The following ACSL3 variants were observed in gnomAD, a reference collection of about 807,000 sequenced individuals.
The protein encoded by ACSL3 is acyl-CoA synthetase long chain family member 3.
A neutral mutation model predicts 84.7 loss-of-function variants in ACSL3; 34 were observed. The observed-to-expected ratio is 0.40, with a 90% confidence interval of 0.31 to 0.53. The LOEUF (loss-of-function observed/expected upper bound fraction) is 0.53, where lower values mean the gene tolerates loss of function less well. Among genes scored for constraint, ACSL3 ranks in the 20% least tolerant of loss-of-function variants. ACSL3 has a pLI of 0.48. For missense variants in ACSL3, 680 were observed against 873.1 expected (o/e 0.78, Z 2.79); for synonymous variants, 315 against 299.4 (o/e 1.05, Z -0.54).
chr2:222,898,461 T>G (rs1209871240), intron 2 of ACSL3, among the ~76,000 whole-genome samples: 1 of 152,182 alleles, frequency 6.6e-6, no homozygotes, highest in Non-Finnish European at 1.5e-5. Context: ...TTTTCAATTT[T>G]TAGGTATTGG....
intron 1 of ACSL3, among the ~76,000 whole-genome samples, chr2:222,869,308 A>G (rs1695237020): frequency 6.6e-6 from 1 of 152,140 alleles, no homozygotes; most frequent in Non-Finnish European, 1.5e-5. Flanking sequence ...CTTACCTCAC[A>G]AGGTTATCAT....
rs1435763740 is a variant in ACSL3 at position 222,900,697 on chromosome 2, G to A, written c.-124G>A. ...AGATACAGAATTCGTTGTTGGGAAG[G>A]ACTGGGGAAACAGCTGTAACATTTG... On this transcript the variant is annotated 5_prime_UTR_variant, in exon 3 of 17. Coordinates refer to ENST00000357430, the MANE Select transcript of ACSL3 (RefSeq NM_004457.5). 1 of 152,108 alleles carries A rather than the reference G, an allele frequency of 6.6e-6. No individual in the cohort carries two copies. Among genetic ancestry groups the A allele is most frequent in the East Asian group, 1.9e-4 (1 of 5,182 alleles). The allele number at this position is 152,108 out of a possible 1,614,324, so 9.4% of individuals were successfully genotyped here.
intron 2 of ACSL3, among the ~76,000 whole-genome samples, chr2:222,890,748 T>C (rs909126232): frequency 5.3e-5 from 8 of 152,080 alleles, no homozygotes; most frequent in Admixed American, 6.6e-5. Flanking sequence ...CTCTGGTGAT[T>C]CTTGTGCCTC....
chr2:222,914,423 T>C (rs1696524355), intron 4 of ACSL3, among the ~76,000 whole-genome samples: 1 of 152,086 alleles, frequency 6.6e-6, no homozygotes, highest in South Asian at 2.1e-4. Context: ...ACTGCACGTC[T>C]GGCTAATTTT....
Position 222,933,877 on chromosome 2 carries a change from A to G in ACSL3, c.1847+597A>G, listed in dbSNP as rs1208547556. ...GAAACAGATGTTGGGGGTACAGCCCAAGTTAGAAATGAATTGCATTTATTT... is the reference window on the plus strand; with the variant it reads ...GAAACAGATGTTGGGGGTACAGCCCGAGTTAGAAATGAATTGCATTTATTT... On this transcript the variant is annotated intron_variant, in intron 15 of 16. Coordinates refer to ENST00000357430, the MANE Select transcript of ACSL3 (RefSeq NM_004457.5). Among the ~76,000 whole-genome samples the G allele has an allele frequency of 2.6e-5, 4 of 152,258 alleles. No homozygotes were observed. In the East Asian group the frequency reaches 7.7e-4, roughly 29 times the overall value.
chr2:222,925,695 A>G (rs906839949), intron 11 of ACSL3, among the ~76,000 whole-genome samples: 2 of 152,208 alleles, frequency 1.3e-5, no homozygotes, highest in South Asian at 4.1e-4. Flanking sequence ...AGATTTTGCT[A>G]TTTGTGAGTT....
intron 3 of ACSL3, among the ~76,000 whole-genome samples, chr2:222,907,714 A>G (rs931425689): frequency 3.3e-5 from 5 of 151,108 alleles, no homozygotes; most frequent in African/African-American, 1.2e-4. Flanking sequence ...GCAGTGAGCT[A>G]TAATCTTGTA....
chr2:222,918,220 T>C, intron 6 of ACSL3, 65 bp downstream of exon 6: 1 of 969,710 alleles, frequency 1.0e-6, no homozygotes. Flanking sequence ...TGAGCCCTAT[T>C]ATTGATACTT....
At chr2:222,901,805 C>T (rs1295555057) in intron 3 of ACSL3, among the ~76,000 whole-genome samples, 1 of 151,848 alleles carries the variant, frequency 6.6e-6, no homozygotes, top group Non-Finnish European at 1.5e-5. Flanking sequence ...ATTAGCTGGG[C>T]GTGATTGAGC....
intron 1 of ACSL3, among the ~76,000 whole-genome samples, chr2:222,875,896 A>G (rs1046554494): frequency 6.6e-5 from 10 of 152,200 alleles, no homozygotes; most frequent in African/African-American, 2.4e-4. Context: ...AAATCAGCCA[A>G]CATTTATTGA....
intron 3 of ACSL3, among the ~76,000 whole-genome samples, chr2:222,902,506 AC>A (rs1662502944): frequency 6.6e-6 from 1 of 152,206 alleles, no homozygotes; most frequent in Admixed American, 6.5e-5. Context: ...TCTAGTACAT[AC>A]CTTAGATCTT....
intron 6 of ACSL3, 119 bp downstream of exon 6, chr2:222,918,274 A>T (rs1055484693): frequency 9.6e-6 from 5 of 522,520 alleles, no homozygotes; most frequent in Non-Finnish European, 1.7e-5. Context: ...GTGGACTTTT[A>T]TGAATATCAT....
In ACSL3 at chr2:222,943,536, A is replaced by C. The variant is rs1697382245; in HGVS notation, c.*1882A>C. The C allele has an allele frequency of 1.3e-5, 2 of 159,840 alleles. No individual in the cohort carries two copies. The highest frequency in any genetic ancestry group is 4.1e-4 in the South Asian group (2 of 4,888). 9.9% of individuals were successfully genotyped at this position (159,840 alleles called of 1,614,324 possible). On this transcript the variant is annotated 3_prime_UTR_variant, in exon 17 of 17. Transcript: ENST00000357430. Reference sequence around the variant, plus strand: ...GATAATTGTGACTTGAAATAGTGTCAGATGAATTATGTAGCTGATCACTGA... The same window carrying C: ...GATAATTGTGACTTGAAATAGTGTCCGATGAATTATGTAGCTGATCACTGA...
chr2:222,941,797 A>G lies in ACSL3; in HGVS notation c.*143A>G. ...CATGACGTCACCATTTTTAACTGAC[A>G]GGATTAGTAAAACATTAAGACAGCA... On this transcript the variant is annotated 3_prime_UTR_variant, in exon 17 of 17. Transcript: ENST00000357430. The G allele has an allele frequency of 3.4e-6, 3 of 883,744 alleles. No homozygotes were observed. Among genetic ancestry groups the G allele is most frequent in the East Asian group, 5.8e-5 (2 of 34,778 alleles). 54.7% of individuals were successfully genotyped at this position (883,744 alleles called of 1,614,324 possible).
intron 1 of ACSL3, among the ~76,000 whole-genome samples, chr2:222,879,985 A>G (rs758230079): frequency 1.3e-5 from 2 of 151,070 alleles, no homozygotes; most frequent in Non-Finnish European, 2.9e-5. Flanking sequence ...TCTGCTTCTC[A>G]TCTTTCCAGG....
chr2:222,913,554 C>T (rs575409841), intron 4 of ACSL3, among the ~76,000 whole-genome samples: 24 of 152,250 alleles, frequency 1.6e-4, no homozygotes, highest in African/African-American at 5.5e-4. Context: ...TCCCTTACAG[C>T]CTCCCCCCGC....
intron 2 of ACSL3, among the ~76,000 whole-genome samples, chr2:222,889,680 A>G (rs756013144): frequency 6.6e-6 from 1 of 152,238 alleles, no homozygotes; most frequent in Admixed American, 6.5e-5. Flanking sequence ...CGGAGACAGC[A>G]GCAAGTTTGC....
rs1574551274 is a variant in ACSL3 at position 222,915,454 on chromosome 2, A to G, written c.379-865A>G. On this transcript the variant is annotated intron_variant, in intron 4 of 16. Transcript: ENST00000357430. Reference sequence around the variant, plus strand: ...GTCAGATGATTTTAAGGTGTTTGAGATGTATATTACTGACACAGCCATGTT... The same window carrying G: ...GTCAGATGATTTTAAGGTGTTTGAGGTGTATATTACTGACACAGCCATGTT... Among the ~76,000 whole-genome samples, 3 of 152,268 alleles carry G rather than the reference A, an allele frequency of 2.0e-5. No homozygotes were observed. In the South Asian group the frequency reaches 6.2e-4, roughly 32 times the overall value.
intron 4 of ACSL3, among the ~76,000 whole-genome samples, chr2:222,910,626 A>G (rs1186265460): frequency 6.6e-6 from 1 of 152,242 alleles, no homozygotes; most frequent in Admixed American, 6.5e-5. Flanking sequence ...GGAGATGCCA[A>G]GCAAGTTGAT....
Sources: allele counts gnomAD v4.1 joint callset (sites outside exome capture counted in the v4.1 genomes callset), GRCh38; gene constraint gnomAD v4.1.1; transcripts MANE v1.5; gene names NCBI Gene and HGNC (gene_info 2026-07-23, HGNC 2026-07-21).